The following UNC5D variants were observed in gnomAD, a reference collection of about 807,000 sequenced individuals.
UNC5D encodes netrin receptor UNC5D.
In UNC5D, 39 loss-of-function variants were observed where a neutral mutation model predicts 105.4. That is an observed-to-expected ratio of 0.37 (90% confidence interval 0.29 to 0.48). The LOEUF (loss-of-function observed/expected upper bound fraction) is 0.48, where lower values mean the gene tolerates loss of function less well. UNC5D is among the 20% of genes least tolerant of loss of function. UNC5D has a pLI of 0.98. For synonymous variants in UNC5D, 452 were observed against 450.4 expected, an observed-to-expected ratio of 1.00 and a Z score of -0.04; for missense variants, 991 against 1,202.4, an observed-to-expected ratio of 0.82 and a Z score of 2.60.
chr8:35,389,494 A>G (rs1312565277), intron 1 of UNC5D, among the ~76,000 whole-genome samples: 1 of 152,152 alleles, frequency 6.6e-6, no homozygotes, highest in East Asian at 1.9e-4. Context: ...ATACCATAAC[A>G]TGACTGTAAT....
At chr8:35,637,013 TC>T (rs763750089) in intron 4 of UNC5D, among the ~76,000 whole-genome samples, 1 of 152,156 alleles carries the variant, frequency 6.6e-6, no homozygotes, top group Non-Finnish European at 1.5e-5. Flanking sequence ...ATGTCTCACT[TC>T]CAATGAGGAT....
chr8:35,764,097 A>G (rs1486537773), intron 14 of UNC5D, among the ~76,000 whole-genome samples: 2 of 152,174 alleles, frequency 1.3e-5, no homozygotes, highest in South Asian at 2.1e-4. Context: ...GTAGAGCTTG[A>G]AGGCAGGAAG....
At chr8:35,640,522 A>AG in intron 4 of UNC5D, among the ~76,000 whole-genome samples, 1 of 152,302 alleles carries the variant, frequency 6.6e-6, no homozygotes, top group African/African-American at 2.4e-5. Flanking sequence ...GATGATATAA[A>AG]GCTGTCTGGA....
At chr8:35,483,002 C>T (rs1299531375) in intron 1 of UNC5D, among the ~76,000 whole-genome samples, 1 of 151,770 alleles carries the variant, frequency 6.6e-6, no homozygotes, top group African/African-American at 2.4e-5. Context: ...GAGGTTTCAC[C>T]ATGTTGGCCA....
intron 1 of UNC5D, among the ~76,000 whole-genome samples, chr8:35,380,095 G>GT (rs1554519183): frequency 7.1e-5 from 7 of 99,138 alleles, no homozygotes; most frequent in East Asian, 3.7e-4. Context: ...GGTGGGGGGG[G>GT]GGTCGGGGAG....
At chr8:35,387,883 A>G (rs563067981) in intron 1 of UNC5D, among the ~76,000 whole-genome samples, 1 of 152,320 alleles carries the variant, frequency 6.6e-6, no homozygotes, top group African/African-American at 2.4e-5. Context: ...TTAGTATTAT[A>G]GTGGTGTGTA....
At chr8:35,555,484 T>C (rs13250198) in intron 2 of UNC5D, among the ~76,000 whole-genome samples, 34,859 of 152,104 alleles carry the variant, frequency 0.23, 6,165 homozygotes, top group African/African-American at 0.48. Context: ...CCTAAATCCT[T>C]GACCAGTCTC....
chr8:35,641,865 T>TAA (rs530722446), intron 4 of UNC5D, among the ~76,000 whole-genome samples: 35 of 152,252 alleles, frequency 2.3e-4, no homozygotes, highest in African/African-American at 8.2e-4. Context: ...TAATCCTAAA[T>TAA]AAAAAGGGCT....
chr8:35,679,649 A>G (rs1431523527), intron 4 of UNC5D, among the ~76,000 whole-genome samples: 1 of 152,180 alleles, frequency 6.6e-6, no homozygotes, highest in African/African-American at 2.4e-5. Context: ...CAAGCTAGAA[A>G]GTGGCGTGGT....
At chr8:35,303,936 T>C (rs1051180547) in intron 1 of UNC5D, among the ~76,000 whole-genome samples, 6 of 152,136 alleles carry the variant, frequency 3.9e-5, no homozygotes, top group African/African-American at 1.4e-4. Context: ...TTTATCCTTG[T>C]CATGGTGCTT....
intron 1 of UNC5D, among the ~76,000 whole-genome samples, chr8:35,380,157 G>C (rs1448152333): frequency 4.8e-5 from 7 of 145,826 alleles, no homozygotes; most frequent in Admixed American, 2.8e-4. Flanking sequence ...GAGACCGAGA[G>C]GGAGAGACAG....
At chr8:35,468,731 G>T (rs1319244619) in intron 1 of UNC5D, among the ~76,000 whole-genome samples, 1 of 152,210 alleles carries the variant, frequency 6.6e-6, no homozygotes, top group Non-Finnish European at 1.5e-5. Context: ...ATCTTGAAAA[G>T]TGATTGCAGT....
At chr8:35,248,264 A>G (rs1803328095) in intron 1 of UNC5D, among the ~76,000 whole-genome samples, 1 of 97,694 alleles carries the variant, frequency 1.0e-5, no homozygotes, top group African/African-American at 4.6e-5. Flanking sequence ...TATATGTTAT[A>G]TAAAATATAT....
intron 1 of UNC5D, among the ~76,000 whole-genome samples, chr8:35,274,750 G>T (rs1534583): frequency 0.82 from 125,336 of 152,154 alleles, 52,009 homozygotes; most frequent in East Asian, 1. Context: ...TGAATCATAG[G>T]CAACCACAAC....
intron 1 of UNC5D, among the ~76,000 whole-genome samples, chr8:35,413,286 TG>T (rs1442667006): frequency 8.4e-3 from 100 of 11,942 alleles, no homozygotes; most frequent in Admixed American, 0.033. Context: ...TGTGTGTGTG[TG>T]TGTGTTGTGT....
chr8:35,295,277 TA>T (rs1807396807), intron 1 of UNC5D, among the ~76,000 whole-genome samples: 1 of 152,220 alleles, frequency 6.6e-6, no homozygotes, highest in South Asian at 2.1e-4. Flanking sequence ...TAGTAATTGC[TA>T]AAATGGATTA....
chr8:35,689,602 C>A (rs1481726786), intron 7 of UNC5D, among the ~76,000 whole-genome samples: 1 of 152,214 alleles, frequency 6.6e-6, no homozygotes, highest in South Asian at 2.1e-4. Flanking sequence ...GCTATGGAAC[C>A]AGGAACATCT....
chr8:35,432,100 A>T (rs972337965), intron 1 of UNC5D, among the ~76,000 whole-genome samples: 5 of 152,150 alleles, frequency 3.3e-5, no homozygotes, highest in African/African-American at 9.6e-5. Context: ...GGAATTCTGG[A>T]TCTATAATAT....
intron 3 of UNC5D, among the ~76,000 whole-genome samples, chr8:35,576,074 A>T (rs900229400): frequency 6.6e-6 from 1 of 152,066 alleles, no homozygotes; most frequent in African/African-American, 2.4e-5. Context: ...GGTACCACAT[A>T]GACTTTTTGC....
Sources: gnomAD v4.1 joint callset for allele counts (sites outside exome capture counted in the v4.1 genomes callset) on GRCh38, gnomAD v4.1.1 for gene constraint, MANE v1.5 for transcripts, NCBI Gene and HGNC (gene_info 2026-07-23, HGNC 2026-07-21) for gene names.